ASTN1: variants seen among roughly 807,000 people sequenced by gnomAD.
ASTN1 encodes the protein astrotactin 1, also known as astrotactin-1.
ASTN1 carries 41 observed loss-of-function variants against 140.7 expected under a neutral mutation model. The ratio of observed to expected loss-of-function variants is 0.29; its 90% confidence interval spans 0.23 to 0.38. The LOEUF is 0.38. Among genes scored for constraint, ASTN1 ranks in the 10% least tolerant of loss-of-function variants. The pLI is 1.00. For missense variants in ASTN1, 1,479 were observed against 1,678.8 expected, an observed-to-expected ratio of 0.88 and a Z score of 2.08; for synonymous variants, 640 against 652.2, an observed-to-expected ratio of 0.98 and a Z score of 0.29.
In ASTN1 at chr1:176,862,725, C is replaced by T; in HGVS notation, c.*1559G>A. 1 of 922,170 alleles carries T rather than the reference C, an allele frequency of 1.1e-6. No homozygotes were observed. Among genetic ancestry groups the T allele is most frequent in the Non-Finnish European group, 1.3e-6 (1 of 772,450 alleles). The allele number at this position is 922,170 out of a possible 1,614,324, so 57.1% of individuals were successfully genotyped here. On this transcript the variant is annotated 3_prime_UTR_variant, in exon 23 of 23. Coordinates refer to ENST00000361833, the MANE Select transcript of ASTN1 (RefSeq NM_004319.3). ...AACACTAAAATGGAGACAAGAATAG[C>T]ACTTTCCTCAGGAGTTGCTGTGAGA...
chr1:177,113,213 C>T (rs1680905870), intron 1 of ASTN1, among the ~76,000 whole-genome samples: 1 of 152,086 alleles, frequency 6.6e-6, no homozygotes, highest in Non-Finnish European at 1.5e-5. Context: ...TAACTCATAA[C>T]CACCACACTT....
chr1:176,980,524 T>A lies in ASTN1; in HGVS notation c.1524-15287A>T, dbSNP rs74127272. ...AGCAGAGACACACACAGAAAACCAA[T>A]GCAAGGCTGAGGTTGGGCCAGGCAG... On this transcript the variant is annotated intron_variant, in intron 8 of 22. Transcript: ENST00000361833. Among the ~76,000 whole-genome samples the A allele has an allele frequency of 7.3e-3, 1,111 of 152,138 alleles. 15 individuals are homozygous for A. The highest frequency in any genetic ancestry group is 0.024 in the African/African-American group (995 of 41,518).
At chr1:177,003,853 C>G (rs924319640) in intron 8 of ASTN1, among the ~76,000 whole-genome samples, 1 of 151,624 alleles carries the variant, frequency 6.6e-6, no homozygotes, top group East Asian at 1.9e-4. Flanking sequence ...AAAGGAAAAC[C>G]CACAACCAAC....
chr1:177,114,953 A>G (rs1455589612), intron 1 of ASTN1, among the ~76,000 whole-genome samples: 1 of 152,088 alleles, frequency 6.6e-6, no homozygotes, highest in Non-Finnish European at 1.5e-5. Context: ...CCATTAGGAG[A>G]AGCACTGTTA....
chr1:176,862,769 T>G lies in ASTN1; in HGVS notation c.*1515A>C. 4.1e-6 allele frequency: 4 copies of G among 966,636 alleles called. No individual in the cohort carries two copies. Among genetic ancestry groups the G allele is most frequent in the Non-Finnish European group, 4.9e-6 (4 of 812,862 alleles). The allele number at this position is 966,636 out of a possible 1,614,324, so 59.9% of individuals were successfully genotyped here. ...TGTGAGAATTCAATGATACCTAAAG[T>G]GCTTACATCAGCGCCTGGCATACAG... On this transcript the variant is annotated 3_prime_UTR_variant, in exon 23 of 23. Coordinates refer to ENST00000361833, the MANE Select transcript of ASTN1 (RefSeq NM_004319.3).
chr1:176,968,134 A>G (rs776703124), intron 8 of ASTN1, among the ~76,000 whole-genome samples: 3 of 152,176 alleles, frequency 2.0e-5, no homozygotes, highest in Non-Finnish European at 4.4e-5. Context: ...CCATATCCTC[A>G]TCTGTAAAAT....
Position 177,061,229 on chromosome 1 carries a change from C to A in ASTN1, c.320G>T (p.Arg107Leu), listed in dbSNP as rs144418404. The A allele has an allele frequency of 8.1e-6, 13 of 1,595,514 alleles. No individual in the cohort carries two copies. Among genetic ancestry groups the A allele is most frequent in the Admixed American group, 1.7e-5 (1 of 57,982 alleles). The change falls in exon 2 of 23, where the codon CGC becomes CTC. Residue 107 changes from arginine to leucine, a missense_variant. Around this residue, in one of 3 missense-constraint regions of ASTN1, gnomAD observed 729 missense variants for 860.4 expected, o/e 0.85. Coordinates refer to ENST00000361833, the MANE Select transcript of ASTN1 (RefSeq NM_004319.3). ...SGNTEDIPLVRWRQQWLENGT... is the reference protein window; with the variant it reads ...SGNTEDIPLVLWRQQWLENGT... The stretch of plus-strand genomic sequence containing the variant: ...ATTCTCCAGCCACTGCTGCCTCCAG[C>A]GCACCAAAGGGATATCCTCTGTGTT...
chr1:177,048,335 T>C (rs1677351508), intron 2 of ASTN1, among the ~76,000 whole-genome samples: 3 of 151,682 alleles, frequency 2.0e-5, no homozygotes, highest in Admixed American at 1.3e-4. Flanking sequence ...AAAAGGGGAG[T>C]CTGGGAGATG....
chr1:177,105,677 T>C (rs1680516299), intron 1 of ASTN1, among the ~76,000 whole-genome samples: 2 of 150,780 alleles, frequency 1.3e-5, no homozygotes, highest in Admixed American at 1.3e-4. Context: ...ATGCAGAAAA[T>C]AGAACTTGGT....
chr1:177,046,253 A>C (rs781682217), intron 2 of ASTN1, among the ~76,000 whole-genome samples: 16 of 152,210 alleles, frequency 1.1e-4, no homozygotes, highest in Non-Finnish European at 1.6e-4. Flanking sequence ...AAAGTATAAC[A>C]CAATGTAAGT....
At chr1:177,097,963 C>T (rs1395024754) in intron 1 of ASTN1, among the ~76,000 whole-genome samples, 1 of 152,184 alleles carries the variant, frequency 6.6e-6, no homozygotes, top group Admixed American at 6.5e-5. Flanking sequence ...CTTCCCCCAC[C>T]CCATACCCTT....
intron 2 of ASTN1, 146 bp downstream of exon 2, chr1:177,060,932 T>C (rs1292583597): frequency 2.0e-5 from 17 of 849,656 alleles, no homozygotes; most frequent in Non-Finnish European, 3.2e-6. Flanking sequence ...TGGATGCATT[T>C]CCCACAAATG....
Position 176,936,332 on chromosome 1 carries a change from G to A in ASTN1, c.2416C>T (p.Leu806=). Residue 806 remains leucine (L), a synonymous_variant, in exon 15 of 23, where the codon CTG becomes TTG. Transcript: ENST00000361833. Reference sequence around the variant, plus strand: ...ACAGACCGGACCTTCCAGTGCTGCAGCACAGGGTACCCAGACACTTCACTG... The same window carrying A: ...ACAGACCGGACCTTCCAGTGCTGCAACACAGGGTACCCAGACACTTCACTG... ...NFSEVSGYPV[L]QHWKVRSVMY... is the part of the protein sequence containing the mutation. 1 of 1,613,574 alleles carries A rather than the reference G, an allele frequency of 6.2e-7. No individual in the cohort carries two copies. Among genetic ancestry groups the A allele is most frequent in the Non-Finnish European group, 8.5e-7 (1 of 1,179,972 alleles).
chr1:177,011,864 T>C (rs1477613863), intron 8 of ASTN1, among the ~76,000 whole-genome samples: 1 of 152,172 alleles, frequency 6.6e-6, no homozygotes, highest in Non-Finnish European at 1.5e-5. Flanking sequence ...TATATTAGTG[T>C]CCTTGATCAA....
intron 1 of ASTN1, among the ~76,000 whole-genome samples, chr1:177,117,106 T>C (rs1681127895): frequency 6.6e-6 from 1 of 152,034 alleles, no homozygotes; most frequent in Non-Finnish European, 1.5e-5. Context: ...ATTATCTCTC[T>C]CTCCTCCGCC....
At chr1:177,151,625 T>C (rs912803099) in intron 1 of ASTN1, among the ~76,000 whole-genome samples, 1 of 152,130 alleles carries the variant, frequency 6.6e-6, no homozygotes, top group African/African-American at 2.4e-5. Flanking sequence ...GAATCACTCA[T>C]CACAGAATTG....
chr1:177,164,303 G>T, intron 1 of ASTN1, 91 bp downstream of exon 1: 1 of 1,337,800 alleles, frequency 7.5e-7, no homozygotes, highest in Non-Finnish European at 1.0e-6. Flanking sequence ...AGGGGAGGTC[G>T]TCGGCGAGTG....
chr1:177,111,298 T>G (rs1353081019), intron 1 of ASTN1, among the ~76,000 whole-genome samples: 1 of 150,440 alleles, frequency 6.6e-6, no homozygotes, highest in African/African-American at 2.5e-5. Flanking sequence ...CCAAAGACTG[T>G]TTTTTTTTCC....
chr1:176,861,616 A>G lies in ASTN1; in HGVS notation c.*2668T>C. On this transcript the variant is annotated 3_prime_UTR_variant, in exon 23 of 23. Coordinates refer to ENST00000361833, the MANE Select transcript of ASTN1 (RefSeq NM_004319.3). ...CCTAAGATTTTCCCCTGCCCTGTTC[A>G]TATCAGCCTTTTTAACTTGAATGTA... The G allele has an allele frequency of 1.0e-6, 1 of 985,520 alleles. No homozygotes were observed. The highest frequency in any genetic ancestry group is 1.2e-6 in the Non-Finnish European group (1 of 829,958). The allele number at this position is 985,520 out of a possible 1,614,324, so 61.0% of individuals were successfully genotyped here. A position where few individuals can be genotyped will look rare whatever the true frequency, so the allele number is the denominator to read the frequency against.
Sources: allele counts gnomAD v4.1 joint callset (sites outside exome capture counted in the v4.1 genomes callset), GRCh38; gene constraint gnomAD v4.1.1; regional missense constraint gnomAD v4.1.1; transcripts MANE v1.5; gene names NCBI Gene and HGNC (gene_info 2026-07-23, HGNC 2026-07-21).